KCNT2: variants seen among roughly 807,000 people sequenced by gnomAD.
KCNT2 encodes potassium channel subfamily T member 2.
KCNT2 carries 67 observed loss-of-function variants against 153.8 expected under a neutral mutation model. The observed-to-expected ratio is 0.44, with a 90% confidence interval of 0.36 to 0.53. The LOEUF is 0.53. KCNT2 is among the 20% of genes least tolerant of loss of function. KCNT2 has a pLI of 0.00. For synonymous variants in KCNT2, 500 were observed against 458.8 expected (o/e 1.09, Z -1.15); for missense variants, 975 against 1,354.8 (o/e 0.72, Z 4.40).
intron 10 of KCNT2, among the ~76,000 whole-genome samples, chr1:196,427,348 A>G (rs987452670): frequency 1.3e-5 from 2 of 152,036 alleles, no homozygotes; most frequent in Non-Finnish European, 2.9e-5. Context: ...CAATATTTCT[A>G]TGTTTTGTAA....
intron 26 of KCNT2, among the ~76,000 whole-genome samples, chr1:196,251,920 AT>A (rs1656011092): frequency 6.6e-6 from 1 of 151,672 alleles, no homozygotes; most frequent in Non-Finnish European, 1.5e-5. Flanking sequence ...TTAAAAATAT[AT>A]TTTTCCTTTT....
In KCNT2 at chr1:196,228,155, CG is replaced by C; in HGVS notation, c.*68del. On this transcript the variant is annotated 3_prime_UTR_variant, in exon 28 of 28. Coordinates refer to ENST00000294725, the MANE Select transcript of KCNT2 (RefSeq NM_198503.5). ...ACATATATTTCCATCTAGTTTCTTT[CG>C]TGCCAGCAAAACTTTTGTGGTTTCA... 1.2e-6 allele frequency: 1 copy of C among 802,558 alleles called. No individual in the cohort carries two copies. The highest frequency in any genetic ancestry group is 2.1e-6 in the Non-Finnish European group (1 of 471,178). 49.7% of individuals were successfully genotyped at this position (802,558 alleles called of 1,614,324 possible). A position where few individuals can be genotyped will look rare whatever the true frequency, so the allele number is the denominator to read the frequency against.
intron 12 of KCNT2, among the ~76,000 whole-genome samples, chr1:196,418,095 G>A (rs956690345): frequency 3.3e-5 from 5 of 151,922 alleles, no homozygotes; most frequent in African/African-American, 4.8e-5. Context: ...TCTGTTTTCC[G>A]TTCTAATTGT....
chr1:196,301,959 C>T (rs905269900), intron 22 of KCNT2, among the ~76,000 whole-genome samples: 1 of 152,036 alleles, frequency 6.6e-6, no homozygotes, highest in Non-Finnish European at 1.5e-5. Flanking sequence ...ACGCTGGTCT[C>T]GAACTCCTGA....
rs185925053 is a variant in KCNT2 at position 196,587,806 on chromosome 1, G to A, written c.95+20409C>T. The stretch of plus-strand genomic sequence containing the variant: ...ATTAAATTGACTACGCAATGGCATG[G>A]GTAGGGGTAACATGATGAAAAGTAA... On this transcript the variant is annotated intron_variant, in intron 1 of 27. Transcript: ENST00000294725. Among the ~76,000 whole-genome samples the A allele has an allele frequency of 8.2e-4, 124 of 152,070 alleles. 1 individual carries two copies. The Middle Eastern group carries it at 0.014, about 17-fold the overall frequency.
intron 8 of KCNT2, among the ~76,000 whole-genome samples, chr1:196,463,980 A>T (rs1677382777): frequency 6.6e-6 from 1 of 151,786 alleles, no homozygotes; most frequent in South Asian, 2.1e-4. Flanking sequence ...ACTTTAAGAG[A>T]CTCCCACATT....
Position 196,276,523 on chromosome 1 carries a change from G to A in KCNT2, c.2910+4337C>T, listed in dbSNP as rs200612459. ...CTCTAGGTCTCCCTTTATGCTTGGG[G>A]GTCTTTACATCACCATCCTATTGAT... On this transcript the variant is annotated intron_variant, in intron 25 of 27. Transcript: ENST00000294725. 2.6e-5 allele frequency among the ~76,000 whole-genome samples: 4 copies of A among 151,842 alleles called. No individual in the cohort carries two copies. The East Asian group carries it at 5.8e-4, about 22-fold the overall frequency.
At chr1:196,447,266 T>C (rs960251831) in intron 8 of KCNT2, among the ~76,000 whole-genome samples, 11 of 151,724 alleles carry the variant, frequency 7.3e-5, no homozygotes, top group Admixed American at 2.6e-4. Flanking sequence ...TGGTGGTAGA[T>C]GGTGTAGCAA....
intron 8 of KCNT2, among the ~76,000 whole-genome samples, chr1:196,457,553 C>T (rs1379967152): frequency 6.8e-6 from 1 of 146,248 alleles, no homozygotes; most frequent in African/African-American, 2.6e-5. Flanking sequence ...CCTGAAGTCA[C>T]TCTGGTGTGA....
At chr1:196,304,711 T>C (rs924336704) in intron 22 of KCNT2, among the ~76,000 whole-genome samples, 14 of 152,150 alleles carry the variant, frequency 9.2e-5, no homozygotes, top group African/African-American at 2.4e-4. Context: ...ATTGTCTCTA[T>C]TAGCATTATC....
chr1:196,525,561 G>A (rs917856448), intron 1 of KCNT2, among the ~76,000 whole-genome samples: 17 of 152,162 alleles, frequency 1.1e-4, no homozygotes, highest in African/African-American at 4.1e-4. Context: ...TCACCAATCT[G>A]TATATGGGCC....
At chr1:196,552,101 T>A (rs1287882680) in intron 1 of KCNT2, among the ~76,000 whole-genome samples, 2 of 151,424 alleles carry the variant, frequency 1.3e-5, no homozygotes, top group Admixed American at 1.3e-4. Context: ...ATCACATAGT[T>A]ACCTACAAAA....
chr1:196,410,243 G>C (rs1310446279), intron 12 of KCNT2, among the ~76,000 whole-genome samples: 1 of 150,860 alleles, frequency 6.6e-6, no homozygotes, highest in Non-Finnish European at 1.5e-5. Flanking sequence ...TTAGACATAT[G>C]GTTTGCAAAT....
intron 23 of KCNT2, among the ~76,000 whole-genome samples, chr1:196,282,713 T>C (rs1332191996): frequency 6.6e-6 from 1 of 152,244 alleles, no homozygotes; most frequent in Non-Finnish European, 1.5e-5. Flanking sequence ...AAAACAAATT[T>C]TCAATGAAAA....
intron 14 of KCNT2, among the ~76,000 whole-genome samples, chr1:196,344,479 C>T (rs576818833): frequency 1.9e-4 from 29 of 152,078 alleles, no homozygotes; most frequent in African/African-American, 6.7e-4. Flanking sequence ...AAAAACGTTC[C>T]CTTTGGCAAA....
chr1:196,318,764 A>C (rs1032834236), intron 20 of KCNT2, among the ~76,000 whole-genome samples: 1 of 151,794 alleles, frequency 6.6e-6, no homozygotes, highest in Non-Finnish European at 1.5e-5. Context: ...CAAAGTTGTA[A>C]AACTGTGTTT....
chr1:196,493,241 G>C (rs542076610), intron 1 of KCNT2, among the ~76,000 whole-genome samples: 3 of 150,624 alleles, frequency 2.0e-5, no homozygotes, highest in African/African-American at 4.9e-5. Flanking sequence ...TAATGTTTAC[G>C]CAAAAACAAA....
chr1:196,307,182 T>C (rs1340020719), intron 21 of KCNT2, among the ~76,000 whole-genome samples: 1 of 152,098 alleles, frequency 6.6e-6, no homozygotes, highest in African/African-American at 2.4e-5. Flanking sequence ...AGAAAGGATG[T>C]AGCAAAGCAT....
At chr1:196,345,991 G>C (rs1021498752) in intron 14 of KCNT2, among the ~76,000 whole-genome samples, 3 of 152,094 alleles carry the variant, frequency 2.0e-5, no homozygotes, top group Non-Finnish European at 2.9e-5. Context: ...ATGTCAAACA[G>C]ACATAGTGTA....
Sources: allele counts gnomAD v4.1 joint callset (sites outside exome capture counted in the v4.1 genomes callset), GRCh38; gene constraint gnomAD v4.1.1; transcripts MANE v1.5; gene names NCBI Gene and HGNC (gene_info 2026-07-23, HGNC 2026-07-21).